Variants in FBN1 observed in about 807,000 individuals in gnomAD.
The protein encoded by FBN1 is fibrillin-1.
Under a neutral mutation model 365.1 loss-of-function variants are expected in FBN1, and 29 were observed. The observed-to-expected ratio is 0.08, with a 90% CI of 0.06 to 0.11. FBN1 has a LOEUF of 0.11. Ranked by LOEUF, FBN1 falls within the 10% of genes least tolerant of loss-of-function variation. FBN1 has a pLI of 1.00. For synonymous variants in FBN1, 1,210 were observed against 1,270.5 expected, an observed-to-expected ratio of 0.95 and a Z score of 1.01; for missense variants, 2,476 against 3,703.2, an observed-to-expected ratio of 0.67 and a Z score of 8.60.
At chr15:48,547,663 A>G (rs1044019482) in intron 6 of FBN1, among the ~76,000 whole-genome samples, 3 of 151,424 alleles carry the variant, frequency 2.0e-5, no homozygotes, top group African/African-American at 7.3e-5. Context: ...GCTTTTTATC[A>G]AATATCCATG....
intron 43 of FBN1, among the ~76,000 whole-genome samples, chr15:48,459,687 C>T (rs1263745222): frequency 1.3e-5 from 2 of 152,232 alleles, no homozygotes; most frequent in Non-Finnish European, 2.9e-5. Context: ...TGTAATACTT[C>T]TGATTCTTGC....
At chr15:48,468,238 A>G in intron 37 of FBN1, 136 bp from the exon 38 acceptor site, 1 of 1,341,874 alleles carries the variant, frequency 7.5e-7, no homozygotes, top group Non-Finnish European at 1.1e-6. Context: ...CATGAACATT[A>G]TACACTACCG....
chr15:48,559,883 C>A (rs892767346), intron 6 of FBN1, among the ~76,000 whole-genome samples: 11 of 152,180 alleles, frequency 7.2e-5, no homozygotes, highest in Non-Finnish European at 1.6e-4. Flanking sequence ...GTGTGCCCAT[C>A]ATCTGTTTTC....
At chr15:48,555,173 T>A (rs948296201) in intron 6 of FBN1, among the ~76,000 whole-genome samples, 2 of 152,172 alleles carry the variant, frequency 1.3e-5, no homozygotes, top group African/African-American at 4.8e-5. Flanking sequence ...TCCTGTGTTT[T>A]CTTCTTGATC....
intron 2 of FBN1, among the ~76,000 whole-genome samples, chr15:48,619,986 T>C (rs1280303682): frequency 2.0e-5 from 3 of 152,270 alleles, no homozygotes; most frequent in Non-Finnish European, 4.4e-5. Flanking sequence ...AATTAACCTA[T>C]TGAGATACAT....
intron 16 of FBN1, among the ~76,000 whole-genome samples, chr15:48,504,734 T>C (rs1321000239): frequency 6.6e-6 from 1 of 152,144 alleles, no homozygotes; most frequent in Non-Finnish European, 1.5e-5. Context: ...TCAATTTCAA[T>C]GACCAATATC....
chr15:48,473,340 G>A (rs958483654), intron 34 of FBN1, among the ~76,000 whole-genome samples: 2 of 152,176 alleles, frequency 1.3e-5, no homozygotes, highest in Non-Finnish European at 2.9e-5. Flanking sequence ...AAGTGCTCAG[G>A]ATAAATCAAT....
chr15:48,453,833 T>TA (rs879610015), intron 44 of FBN1, among the ~76,000 whole-genome samples: 35 of 147,156 alleles, frequency 2.4e-4, no homozygotes, highest in African/African-American at 5.7e-4. Context: ...TAAAGTCTAT[T>TA]AAAAAAAAAA....
intron 63 of FBN1, among the ~76,000 whole-genome samples, chr15:48,417,139 G>A (rs866454820): frequency 6.6e-6 from 1 of 152,122 alleles, no homozygotes; most frequent in Non-Finnish European, 1.5e-5. Flanking sequence ...CTCAAGAGAC[G>A]CTCCACATTT....
At chr15:48,415,967 TAAACATGGAAGATG>T (rs1022377846) in intron 63 of FBN1, among the ~76,000 whole-genome samples, 200 bp from the exon 64 acceptor site, 4 of 151,820 alleles carry the variant, frequency 2.6e-5, no homozygotes, top group Admixed American at 6.6e-5. Flanking sequence ...ATGTTGTGAG[TAAACATGGAAGATG>T]AAACATGGAA....
intron 44 of FBN1, among the ~76,000 whole-genome samples, 163 bp downstream of exon 44, chr15:48,456,474 T>C (rs573315822): frequency 3.3e-5 from 5 of 152,188 alleles, no homozygotes; most frequent in Non-Finnish European, 7.4e-5. Context: ...GTGAATTTTT[T>C]TTTTTTGCAT....
intron 46 of FBN1, 32 bp downstream of exon 46, chr15:48,448,736 T>C (rs756159420): frequency 3.1e-6 from 5 of 1,602,586 alleles, no homozygotes; most frequent in African/African-American, 2.7e-5. Context: ...TTCAACAGCA[T>C]ATGAAAAAAA....
intron 9 of FBN1, 45 bp from the exon 10 acceptor site, chr15:48,520,862 A>G: frequency 6.2e-7 from 1 of 1,613,002 alleles, no homozygotes; most frequent in African/African-American, 1.3e-5. Flanking sequence ...CGCTGAGATA[A>G]TACTTGTAAC....
intron 8 of FBN1, among the ~76,000 whole-genome samples, chr15:48,530,547 C>G (rs1019594355): frequency 1.3e-5 from 2 of 151,264 alleles, no homozygotes; most frequent in South Asian, 4.2e-4. Context: ...GCTCTTTGAC[C>G]TTCACCGCAG....
intron 53 of FBN1, among the ~76,000 whole-genome samples, chr15:48,436,421 A>G (rs1035042144): frequency 5.9e-5 from 9 of 152,188 alleles, no homozygotes; most frequent in African/African-American, 2.2e-4. Context: ...GAATTCTTAG[A>G]TAACTAAATA....
At chr15:48,612,727 T>A (rs2044666505) in intron 3 of FBN1, among the ~76,000 whole-genome samples, 1 of 152,032 alleles carries the variant, frequency 6.6e-6, no homozygotes, top group Non-Finnish European at 1.5e-5. Flanking sequence ...TAATACCCTT[T>A]CATTCAAACT....
intron 56 of FBN1, among the ~76,000 whole-genome samples, chr15:48,429,860 T>C (rs1423621397): frequency 1.3e-5 from 2 of 152,238 alleles, no homozygotes; most frequent in East Asian, 3.8e-4. Context: ...ATACCATTTA[T>C]TATTAAAAAG....
intron 2 of FBN1, among the ~76,000 whole-genome samples, chr15:48,626,170 TC>T (rs1889872671): frequency 6.6e-6 from 1 of 150,788 alleles, no homozygotes; most frequent in Non-Finnish European, 1.5e-5. Flanking sequence ...AGTGGGAGGA[TC>T]ACTTGAGCCC....
rs569341984 is a variant in FBN1, at chr15:48,591,707, T to C, written c.538+4576A>G. On this transcript the variant is annotated intron_variant, in intron 6 of 65. Coordinates refer to ENST00000316623, the MANE Select transcript of FBN1 (RefSeq NM_000138.5). ...TCTTACCGTTCCTCAGAAAAGTCTT[T>C]AGAGTTATGAGTGGCCCCTTTCCAG... 7.9e-5 allele frequency among the ~76,000 whole-genome samples: 12 copies of C among 152,322 alleles called. No individual in the cohort carries two copies. In the South Asian group the frequency reaches 2.5e-3, roughly 32 times the overall value.
Sources: gnomAD v4.1 joint callset for allele counts (sites outside exome capture counted in the v4.1 genomes callset) on GRCh38, gnomAD v4.1.1 for gene constraint, MANE v1.5 for transcripts, NCBI Gene and HGNC (gene_info 2026-07-23, HGNC 2026-07-21) for gene names.